Variants in CDA observed in about 807,000 individuals in gnomAD.
CDA encodes cytidine aminohydrolase.
CDA carries 7 observed loss-of-function variants against 15.0 expected under a neutral mutation model. That is an observed-to-expected ratio of 0.47 (90% CI 0.26 to 0.87). CDA has a LOEUF of 0.87. CDA is among the 40% of genes least tolerant of loss of function. The probability of loss-of-function intolerance (pLI) is 0.15; values close to 1 mark genes in which losing one functional copy is unlikely to be tolerated. For synonymous variants in CDA, 58 were observed against 73.0 expected (o/e 0.79, Z 1.05); for missense variants, 159 against 182.7 (o/e 0.87, Z 0.75).
intron 2 of CDA, among the ~76,000 whole-genome samples, chr1:20,607,475 A>T (rs2154532534): frequency 6.6e-6 from 1 of 152,270 alleles, no homozygotes; most frequent in East Asian, 1.9e-4. Flanking sequence ...AAAAAAAGAG[A>T]AAAGGAGGGA....
chr1:20,590,946 A>G (rs1236871286), intron 1 of CDA, among the ~76,000 whole-genome samples: 1 of 152,082 alleles, frequency 6.6e-6, no homozygotes, highest in African/African-American at 2.4e-5. Context: ...CAGCACTGGA[A>G]CTGGTGTTCT....
chr1:20,612,133 G>A (rs1032093152), intron 2 of CDA, among the ~76,000 whole-genome samples: 3 of 152,218 alleles, frequency 2.0e-5, no homozygotes, highest in African/African-American at 7.2e-5. Flanking sequence ...AAAGTGCTGG[G>A]ATTACAGGCA....
chr1:20,592,918 C>T (rs539065345), intron 1 of CDA, among the ~76,000 whole-genome samples: 138 of 152,180 alleles, frequency 9.1e-4, no homozygotes, highest in Middle Eastern at 6.8e-3. Flanking sequence ...CATGGCAAGA[C>T]GTCGTGTCTA....
chr1:20,602,047 A>G (rs919249684), intron 1 of CDA, among the ~76,000 whole-genome samples: 2 of 151,710 alleles, frequency 1.3e-5, no homozygotes, highest in Admixed American at 6.6e-5. Flanking sequence ...GTGGAGCCCA[A>G]GACTTTGAGG....
intron 2 of CDA, among the ~76,000 whole-genome samples, chr1:20,612,396 A>C (rs61781966): frequency 0.078 from 11,771 of 150,560 alleles, 758 homozygotes; most frequent in East Asian, 0.32. Context: ...ACATTCCACC[A>C]TTGTGATTTG....
intron 2 of CDA, 81 bp downstream of exon 2, chr1:20,605,120 C>A: frequency 1.1e-6 from 1 of 875,480 alleles, no homozygotes; most frequent in Non-Finnish European, 1.9e-6. Flanking sequence ...TTCATTCATT[C>A]ATTCATCTGA....
At chr1:20,602,076 A>C (rs544530629) in intron 1 of CDA, among the ~76,000 whole-genome samples, 1 of 147,978 alleles carries the variant, frequency 6.8e-6, no homozygotes, top group Non-Finnish European at 1.5e-5. Flanking sequence ...AGCTATGATC[A>C]TGCCACTGCA....
chr1:20,613,970 T>G, intron 3 of CDA, 71 bp downstream of exon 3: 1 of 1,436,104 alleles, frequency 7.0e-7, no homozygotes, highest in Non-Finnish European at 9.8e-7. Flanking sequence ...CCACGCCAAG[T>G]TGCAGGCATG....
chr1:20,607,506 G>A (rs940440244), intron 2 of CDA, among the ~76,000 whole-genome samples: 7 of 152,178 alleles, frequency 4.6e-5, no homozygotes, highest in African/African-American at 7.2e-5. Flanking sequence ...TTTCAAAGCT[G>A]ATCCAAGAAA....
chr1:20,618,616 TA>T lies in CDA; in HGVS notation c.*51del. ...TGTAACAGCCACCTGGAGAACTTCA[TA>T]AAGATGTCTCACAGCCCTGGGGACA... On this transcript the variant is annotated 3_prime_UTR_variant, in exon 4 of 4. Coordinates refer to ENST00000375071, the MANE Select transcript of CDA (RefSeq NM_001785.3). The T allele has an allele frequency of 8.8e-7, 1 of 1,133,236 alleles. No individual in the cohort carries two copies. 70.2% of individuals were successfully genotyped at this position (1,133,236 alleles called of 1,614,324 possible).
At chr1:20,610,310 A>T (rs12120002) in intron 2 of CDA, among the ~76,000 whole-genome samples, 7,250 of 124,704 alleles carry the variant, frequency 0.058, 329 homozygotes, top group Non-Finnish European at 0.086. Context: ...ATTTATTTTT[A>T]TTTTTTTTTG....
At chr1:20,607,035 C>T (rs1163196010) in intron 2 of CDA, among the ~76,000 whole-genome samples, 2 of 152,140 alleles carry the variant, frequency 1.3e-5, no homozygotes, top group African/African-American at 4.8e-5. Flanking sequence ...CATCTGGGTG[C>T]ATAGGTCACA....
intron 2 of CDA, among the ~76,000 whole-genome samples, chr1:20,610,966 A>G (rs1157131733): frequency 3.3e-5 from 5 of 152,176 alleles, no homozygotes; most frequent in Admixed American, 2.0e-4. Context: ...TCTGCCAGGC[A>G]TGGTGGCTCA....
chr1:20,589,358 G>A (rs1271399393), intron 1 of CDA, 75 bp downstream of exon 1: 1 of 1,423,960 alleles, frequency 7.0e-7, no homozygotes, highest in African/African-American at 1.4e-5. Flanking sequence ...ACAGGAAGAG[G>A]CGCAGAGGCA....
chr1:20,595,158 C>T (rs2052582147), intron 1 of CDA, among the ~76,000 whole-genome samples: 1 of 152,184 alleles, frequency 6.6e-6, no homozygotes, highest in East Asian at 1.9e-4. Flanking sequence ...GTCTCTCTCC[C>T]TCTTTCCTCC....
intron 3 of CDA, among the ~76,000 whole-genome samples, chr1:20,616,923 C>T (rs945199663): frequency 6.6e-6 from 1 of 152,182 alleles, no homozygotes; most frequent in East Asian, 1.9e-4. Flanking sequence ...GAACAGGAGG[C>T]TGCAGACCTG....
chr1:20,617,556 G>T (rs1570388943), intron 3 of CDA, among the ~76,000 whole-genome samples: 1 of 152,080 alleles, frequency 6.6e-6, no homozygotes, highest in South Asian at 2.1e-4. Flanking sequence ...TATAAATGGG[G>T]GTTCCCTCAC....
intron 2 of CDA, among the ~76,000 whole-genome samples, chr1:20,610,271 T>TTTTTTTTG: frequency 7.0e-6 from 1 of 141,882 alleles, no homozygotes; most frequent in Non-Finnish European, 1.6e-5. Flanking sequence ...CTTTTTTTTT[T>TTTTTTTTG]TTATTTTATT....
intron 1 of CDA, among the ~76,000 whole-genome samples, chr1:20,593,830 C>A (rs1389604679): frequency 6.6e-6 from 1 of 152,214 alleles, no homozygotes; most frequent in Non-Finnish European, 1.5e-5. Context: ...CCACCTTGGC[C>A]TCACACAGTA....
Sources: allele counts gnomAD v4.1 joint callset (sites outside exome capture counted in the v4.1 genomes callset), GRCh38; gene constraint gnomAD v4.1.1; transcripts MANE v1.5; gene names NCBI Gene and HGNC (gene_info 2026-07-23, HGNC 2026-07-21).